LCA5L: variants seen among roughly 807,000 people sequenced by gnomAD.
The protein encoded by LCA5L is lebercilin-like protein.
A neutral mutation model predicts 45.4 loss-of-function variants in LCA5L; 35 were observed. The ratio of observed to expected loss-of-function variants is 0.77; its 90% CI spans 0.59 to 1.02. LCA5L has a LOEUF of 1.02. Among genes scored for constraint, LCA5L ranks in the 50% least tolerant of loss-of-function variants. LCA5L has a pLI of 0.00. For missense variants in LCA5L, 668 were observed against 761.6 expected (o/e 0.88, Z 1.45); for synonymous variants, 233 against 264.7 (o/e 0.88, Z 1.16).
chr21:39,427,237 T>G (rs570067512), intron 5 of LCA5L, among the ~76,000 whole-genome samples: 23 of 152,302 alleles, frequency 1.5e-4, no homozygotes, highest in African/African-American at 5.5e-4. Flanking sequence ...GGAATACTTA[T>G]GAGCTCAAGA....
intron 3 of LCA5L, among the ~76,000 whole-genome samples, chr21:39,433,790 G>C (rs1411423909): frequency 6.7e-6 from 1 of 148,252 alleles, no homozygotes; most frequent in Non-Finnish European, 1.5e-5. Flanking sequence ...TTTGAGAGAG[G>C]GTCTTCTTCT....
chr21:39,440,634 T>C (rs2076744169), intron 2 of LCA5L, among the ~76,000 whole-genome samples: 1 of 152,194 alleles, frequency 6.6e-6, no homozygotes, highest in Non-Finnish European at 1.5e-5. Flanking sequence ...TGGAGAAAAC[T>C]GGCAGATTTG....
At chr21:39,440,545 C>T (rs1052821205) in intron 2 of LCA5L, among the ~76,000 whole-genome samples, 4 of 151,852 alleles carry the variant, frequency 2.6e-5, no homozygotes, top group Non-Finnish European at 5.9e-5. Flanking sequence ...CAAAAAAAAA[C>T]AAAACAAAAT....
intron 7 of LCA5L, among the ~76,000 whole-genome samples, chr21:39,417,292 G>T (rs953393929): frequency 4.6e-5 from 7 of 152,094 alleles, no homozygotes; most frequent in Non-Finnish European, 8.8e-5. Context: ...CGCCCACCTT[G>T]GCCTCCCAAA....
At chr21:39,429,624 T>C (rs1366093720) in intron 3 of LCA5L, among the ~76,000 whole-genome samples, 2 of 152,208 alleles carry the variant, frequency 1.3e-5, no homozygotes, top group Non-Finnish European at 2.9e-5. Context: ...GTGGGAGCAT[T>C]ACACAATCCT....
chr21:39,433,055 T>A (rs900745726), intron 3 of LCA5L, among the ~76,000 whole-genome samples: 1 of 152,238 alleles, frequency 6.6e-6, no homozygotes, highest in African/African-American at 2.4e-5. Flanking sequence ...TTTTTCATTC[T>A]CTTAAAAATG....
intron 7 of LCA5L, among the ~76,000 whole-genome samples, chr21:39,412,978 AC>A (rs1393264619): frequency 2.0e-5 from 3 of 152,202 alleles, no homozygotes; most frequent in Admixed American, 2.0e-4. Context: ...CTCCCATAGC[AC>A]AGGCTTTGCA....
At position 39,415,794 on chromosome 21, in the gene LCA5L, G is replaced by A. The variant is rs192681150; in HGVS notation, c.976-3992C>T. 6.4e-4 allele frequency among the ~76,000 whole-genome samples: 98 copies of A among 152,070 alleles called. 1 individual carries two copies. The South Asian group carries it at 7.5e-3, about 12-fold the overall frequency. ...ATTTTTTCTGCTTTGCTATTTAATCGTAGAAATGGGGGTATCTGTAATGCA... is the reference window on the plus strand; with the variant it reads ...ATTTTTTCTGCTTTGCTATTTAATCATAGAAATGGGGGTATCTGTAATGCA... On this transcript the variant is annotated intron_variant, in intron 7 of 10. Transcript: ENST00000288350.
At chr21:39,407,264 G>T (rs1233680710) in intron 10 of LCA5L, among the ~76,000 whole-genome samples, 2 of 152,118 alleles carry the variant, frequency 1.3e-5, no homozygotes, top group Non-Finnish European at 2.9e-5. Context: ...GAACAGAACA[G>T]AACAGAACAG....
At chr21:39,425,711 C>T (rs1195759843) in intron 5 of LCA5L, among the ~76,000 whole-genome samples, 1 of 152,184 alleles carries the variant, frequency 6.6e-6, no homozygotes, top group Non-Finnish European at 1.5e-5. Context: ...ATGTTCTACA[C>T]TATGGCCAGC....
At chr21:39,419,392 G>C (rs2041874087) in intron 7 of LCA5L, among the ~76,000 whole-genome samples, 3 of 151,954 alleles carry the variant, frequency 2.0e-5, no homozygotes, top group Admixed American at 1.3e-4. Context: ...GGGTATGGTG[G>C]CATGTACCTG....
At chr21:39,429,666 C>A (rs1376603008) in intron 3 of LCA5L, among the ~76,000 whole-genome samples, 1 of 152,182 alleles carries the variant, frequency 6.6e-6, no homozygotes, top group African/African-American at 2.4e-5. Flanking sequence ...CAGACACATT[C>A]TGCTGTGTAG....
At chr21:39,407,247 A>T (rs1038999310) in intron 10 of LCA5L, among the ~76,000 whole-genome samples, 5 of 152,120 alleles carry the variant, frequency 3.3e-5, no homozygotes, top group African/African-American at 1.2e-4. Flanking sequence ...AACAAAACAG[A>T]ACAGAAGAAC....
At chr21:39,429,781 G>T (rs889976673) in intron 3 of LCA5L, among the ~76,000 whole-genome samples, 1 of 152,194 alleles carries the variant, frequency 6.6e-6, no homozygotes, top group East Asian at 1.9e-4. Flanking sequence ...ACTTTGGGAG[G>T]CTGAGGTGGG....
Position 39,423,430 on chromosome 21 carries a change from T to A in LCA5L, c.383A>T (p.Gln128Leu), listed in dbSNP as rs753208196. 7 of 1,596,840 alleles carry A rather than the reference T, an allele frequency of 4.4e-6. No homozygotes were observed. The highest frequency in any genetic ancestry group is 5.1e-6 in the Non-Finnish European group (6 of 1,174,324). Residue 128 changes from glutamine (Q) to leucine (L), a missense_variant, in exon 6 of 11, where the codon CAA becomes CTA. Transcript: ENST00000288350. ...TCTTCTTTGGGCAATCATATGGATT[T>A]GAGAATTAAAGAGTGATGCATTCCA... is the stretch of plus-strand genomic sequence containing the variant. ...HTWNASLFNS[Q>L]IHMIAQRRDA... is the part of the protein sequence containing the mutation.
intron 3 of LCA5L, among the ~76,000 whole-genome samples, chr21:39,433,038 T>C (rs944833334): frequency 6.6e-6 from 1 of 152,220 alleles, no homozygotes; most frequent in Admixed American, 6.5e-5. Flanking sequence ...TTTCTCCTCA[T>C]CTGTGATTTT....
rs59297439 is a variant in LCA5L at position 39,428,599 on chromosome 21, T to TATATATATATATATA, written c.-10-97_-10-96insTATATATATATATAT. ...TATTTTATATATATATATATATATA[T>TATATATATATATATA]TTTTTTTTTTTTTTTTTTTTTTTTT... On this transcript the variant is annotated intron_variant, in intron 4 of 10. Transcript: ENST00000288350. The TATATATATATATATA allele has an allele frequency of 2.3e-3, 46 of 19,788 alleles. 2 individuals carry two copies. Among genetic ancestry groups the TATATATATATATATA allele is most frequent in the South Asian group, 0.011 (4 of 380 alleles). 1.2% of individuals were successfully genotyped at this position (19,788 alleles called of 1,614,324 possible).
rs371320765 is a variant in LCA5L, at chr21:39,407,534, ACCT to A, written c.1283-925_1283-923del. On this transcript the variant is annotated intron_variant, in intron 10 of 10. Coordinates refer to ENST00000288350, the MANE Select transcript of LCA5L (RefSeq NM_152505.4). ...TGTGGCGTGGGTTAGTAACAATAAA[ACCT>A]CCTAAACATCTGCCAAAGGAATAAT... Among the ~76,000 whole-genome samples the A allele has an allele frequency of 1.1e-3, 168 of 152,016 alleles. 1 individual carries two copies. The highest frequency in any genetic ancestry group is 3.7e-3 in the African/African-American group (154 of 41,422).
intron 5 of LCA5L, 21 bp downstream of exon 5, chr21:39,428,151 T>C: frequency 6.9e-7 from 1 of 1,455,840 alleles, no homozygotes; most frequent in South Asian, 1.3e-5. Flanking sequence ...TTGGTCTTGC[T>C]TGGGAAATTT....
Sources: gnomAD v4.1 joint callset for allele counts (sites outside exome capture counted in the v4.1 genomes callset) on GRCh38, gnomAD v4.1.1 for gene constraint, MANE v1.5 for transcripts, NCBI Gene and HGNC (gene_info 2026-07-23, HGNC 2026-07-21) for gene names.